LARP4B: variants seen among roughly 807,000 people sequenced by gnomAD.
LARP4B encodes la-related protein 4B.
In LARP4B, 12 loss-of-function variants were observed where a neutral mutation model predicts 89.8. The ratio of observed to expected loss-of-function variants is 0.13; its 90% CI spans 0.09 to 0.22. The LOEUF (loss-of-function observed/expected upper bound fraction) is 0.22. LARP4B is among the 10% of genes least tolerant of loss of function. The pLI is 1.00. For missense variants in LARP4B, 757 were observed against 947.7 expected, an observed-to-expected ratio of 0.80 and a Z score of 2.64; for synonymous variants, 367 against 363.3, an observed-to-expected ratio of 1.01 and a Z score of -0.12.
intron 1 of LARP4B, among the ~76,000 whole-genome samples, chr10:928,356 A>G (rs998849703): frequency 3.9e-5 from 6 of 152,246 alleles, no homozygotes; most frequent in Admixed American, 1.3e-4. Flanking sequence ...CGTTACTAAG[A>G]TTAGAAGACC....
At chr10:862,256 T>TAAAAAAAAAAAAAAAAAA (rs10661482) in intron 5 of LARP4B, among the ~76,000 whole-genome samples, 4 of 84,396 alleles carry the variant, frequency 4.7e-5, no homozygotes, top group African/African-American at 2.1e-4. Context: ...CCACTGAAGT[T>TAAAAAAAAAAAAAAAAAA]AAAAAAAAAA....
At chr10:951,870 CATAA>C in the LARP4B span, among the ~76,000 whole-genome samples, 1 of 148,136 alleles carries the variant, frequency 6.8e-6, no homozygotes, top group Non-Finnish European at 1.5e-5. Flanking sequence ...GAACCAACTG[CATAA>C]CATACAACCT....
the LARP4B span, among the ~76,000 whole-genome samples, chr10:983,393 C>A: frequency 6.6e-6 from 1 of 152,356 alleles, no homozygotes; most frequent in South Asian, 2.1e-4. Context: ...GTATCTTAAC[C>A]AGCTTGGGCT....
chr10:825,057 C>A lies in LARP4B; in HGVS notation c.1484+8G>T, dbSNP rs769751907. On this transcript the variant is annotated splice_region_variant and intron_variant, in intron 13 of 17. Transcript: ENST00000316157. ...ATGATGTTACACAGTAACTGCTCAA[C>A]AACTCACCTTCCCCTCCCTAAACCA... 1.1e-4 allele frequency: 173 copies of A among 1,612,050 alleles called. No homozygotes were observed. Among genetic ancestry groups the A allele is most frequent in the Non-Finnish European group, 1.4e-4 (166 of 1,178,504 alleles).
At chr10:986,193 C>G in the LARP4B span, 1 of 152,200 alleles carries the variant, frequency 6.6e-6, no homozygotes, top group African/African-American at 2.4e-5. Context: ...ATAAAAAGGT[C>G]TGAAAAACAA....
chr10:933,978 G>A (rs909400355), upstream of LARP4B, among the ~76,000 whole-genome samples: 2 of 151,800 alleles, frequency 1.3e-5, no homozygotes, highest in Admixed American at 1.3e-4. Context: ...GACTACAGCC[G>A]CATGCCACCA....
the LARP4B span, among the ~76,000 whole-genome samples, chr10:936,936 C>A: frequency 5.9e-5 from 9 of 152,020 alleles, no homozygotes; most frequent in Admixed American, 5.9e-4. Flanking sequence ...TTTACAGATA[C>A]TAAGAAATAT....
At chr10:957,544 G>A in the LARP4B span, among the ~76,000 whole-genome samples, 2 of 152,036 alleles carry the variant, frequency 1.3e-5, no homozygotes, top group East Asian at 3.8e-4. Flanking sequence ...CTTATTTGTC[G>A]ATTTTGGAGC....
intron 1 of LARP4B, among the ~76,000 whole-genome samples, chr10:899,882 C>G (rs1159316298): frequency 1.3e-5 from 2 of 151,972 alleles, no homozygotes. Flanking sequence ...TAATTAAGTA[C>G]TATATAATCT....
Position 920,612 on chromosome 10 carries a change from A to G in LARP4B, c.-40+10816T>C, listed in dbSNP as rs1366767861. Among the ~76,000 whole-genome samples the G allele has an allele frequency of 2.0e-5, 3 of 152,032 alleles. No homozygotes were observed. The East Asian group carries it at 5.8e-4, about 29-fold the overall frequency. Reference sequence around the variant, plus strand: ...AATATGGAGAAACCCTGTCTCTACTAAAACTATAAAAATAAGCTGGGCATG... The same window carrying G: ...AATATGGAGAAACCCTGTCTCTACTGAAACTATAAAAATAAGCTGGGCATG... On this transcript the variant is annotated intron_variant, in intron 1 of 17. Coordinates refer to ENST00000316157, the MANE Select transcript of LARP4B (RefSeq NM_015155.3).
intron 3 of LARP4B, among the ~76,000 whole-genome samples, chr10:883,379 C>T (rs1050464626): frequency 5.3e-5 from 8 of 152,006 alleles, no homozygotes; most frequent in Non-Finnish European, 8.8e-5. Flanking sequence ...GGTGTGATGG[C>T]GCATGCCTGT....
intron 3 of LARP4B, among the ~76,000 whole-genome samples, chr10:874,742 AT>A (rs1327389605): frequency 6.6e-6 from 1 of 152,250 alleles, no homozygotes; most frequent in Non-Finnish European, 1.5e-5. Flanking sequence ...CTTTTTAAAA[AT>A]ATTAACATTT....
chr10:842,969 G>A lies in LARP4B; in HGVS notation c.609C>T (p.Leu203=). The A allele has an allele frequency of 6.2e-7, 1 of 1,614,134 alleles. No homozygotes were observed. Among genetic ancestry groups the A allele is most frequent in the Non-Finnish European group, 8.5e-7 (1 of 1,179,952 alleles). ...TVANLDHIKK[L]STDVDLIVEV... is the part of the protein sequence containing the mutation. ...CCACAATCAAGTCCACATCAGTGCT[G>A]AGCTTCTTGATGTGGTCGAGGTTAG... The change falls in exon 7 of 18, where the codon CTC becomes CTT. Residue 203 remains leucine, a synonymous_variant. Coordinates refer to ENST00000316157, the MANE Select transcript of LARP4B (RefSeq NM_015155.3).
chr10:948,214 T>C, the LARP4B span, among the ~76,000 whole-genome samples: 1 of 152,238 alleles, frequency 6.6e-6, no homozygotes. Flanking sequence ...GTTTTTAAAA[T>C]TAAACTGTTA....
At chr10:832,329 C>G (rs1832952798) in intron 8 of LARP4B, among the ~76,000 whole-genome samples, 1 of 152,230 alleles carries the variant, frequency 6.6e-6, no homozygotes. Context: ...AGGCATGAGC[C>G]ACTGCGCCCG....
chr10:815,225 G>A (rs1831971742), intron 15 of LARP4B, 155 bp from the exon 16 acceptor site: 2 of 757,756 alleles, frequency 2.6e-6, no homozygotes, highest in East Asian at 6.0e-5. Flanking sequence ...ACAGAGCCCA[G>A]GACTATCCTC....
intron 8 of LARP4B, among the ~76,000 whole-genome samples, chr10:831,963 C>A (rs543830876): frequency 6.6e-6 from 1 of 152,164 alleles, no homozygotes; most frequent in Non-Finnish European, 1.5e-5. Context: ...ACATTTACTG[C>A]ATATATATTC....
chr10:848,684 G>GT (rs1833896304), intron 5 of LARP4B, among the ~76,000 whole-genome samples: 1 of 151,930 alleles, frequency 6.6e-6, no homozygotes, highest in African/African-American at 2.4e-5. Context: ...TGAAGACACA[G>GT]TAACAGAAGC....
intron 3 of LARP4B, among the ~76,000 whole-genome samples, chr10:880,001 T>C (rs1165203914): frequency 1.3e-5 from 2 of 151,984 alleles, no homozygotes; most frequent in African/African-American, 4.8e-5. Flanking sequence ...CTCGAACTCC[T>C]GACCTCAGGT....
Sources: allele counts gnomAD v4.1 joint callset (sites outside exome capture counted in the v4.1 genomes callset), GRCh38; gene constraint gnomAD v4.1.1; transcripts MANE v1.5; gene names NCBI Gene and HGNC (gene_info 2026-07-23, HGNC 2026-07-21).